SPOCD1: variants seen among roughly 807,000 people sequenced by gnomAD.
The protein encoded by SPOCD1 is SPOC domain-containing protein 1.
SPOCD1 carries 64 observed loss-of-function variants against 92.2 expected under a neutral mutation model. The ratio of observed to expected loss-of-function variants is 0.69; its 90% CI spans 0.57 to 0.86. The LOEUF (loss-of-function observed/expected upper bound fraction) is 0.86, where lower values mean the gene tolerates loss of function less well. SPOCD1 is among the 40% of genes least tolerant of loss of function. SPOCD1 has a pLI of 0.00. For synonymous variants in SPOCD1, 578 were observed against 619.3 expected, an observed-to-expected ratio of 0.93 and a Z score of 0.99; for missense variants, 1,360 against 1,543.1, an observed-to-expected ratio of 0.88 and a Z score of 1.99.
chr1:31,801,684 C>T lies in SPOCD1; in HGVS notation c.1405G>A (p.Gly469Arg), dbSNP rs1244285959. ...PRLEEVKIPHGVKLVCYLGSG... is the reference protein window; with the variant it reads ...PRLEEVKIPHRVKLVCYLGSG... ...CCTACGTAGCACACAAGCTTCACTC[C>T]ATGGGGTATTTTCACTTCCTCCTTG... The change falls in exon 3 of 16, where the codon GGA becomes AGA. Residue 469 changes from glycine to arginine, a missense_variant. By Grantham distance (125) the Gly-to-Arg change is moderately radical. This residue lies in a region of SPOCD1 where 606 missense variants were observed against 601.5 expected (regional missense o/e 1.01). Transcript: ENST00000360482. 1.2e-6 allele frequency: 2 copies of T among 1,613,776 alleles called. No homozygotes were observed. The highest frequency in any genetic ancestry group is 1.7e-6 in the Non-Finnish European group (2 of 1,179,908).
chr1:31,796,828 C>T, intron 9 of SPOCD1, 113 bp from the exon 10 acceptor site: 1 of 1,488,062 alleles, frequency 6.7e-7, no homozygotes, highest in Non-Finnish European at 9.2e-7. Flanking sequence ...CCCCTCTCCT[C>T]AAAACTTTTA....
At position 31,814,318 on chromosome 1, in the gene SPOCD1, T is replaced by C. The variant is rs759189345; in HGVS notation, c.1016A>G (p.Glu339Gly). Reference protein sequence around the residue: ...CLGASAQASAEQQEAVCVVRT... With the variant: ...CLGASAQASAGQQEAVCVVRT... ...CACGACACACACAGCTTCTTGCTGCTCTGCAGAGGCCTGTGCTGACGCCCC... is the reference window on the plus strand; with the variant it reads ...CACGACACACACAGCTTCTTGCTGCCCTGCAGAGGCCTGTGCTGACGCCCC... The change falls in exon 2 of 16, where the codon GAG (glutamate) becomes GGG (glycine). Residue 339 changes from glutamate (E) to glycine (G), a missense_variant. Around this residue, in one of 3 missense-constraint regions of SPOCD1, gnomAD observed 606 missense variants for 601.5 expected, o/e 1.01. Coordinates refer to ENST00000360482, the MANE Select transcript of SPOCD1 (RefSeq NM_144569.7). The surrounding 1 kb of genome is among the most constrained non-coding windows in gnomAD (Gnocchi z 4.2). 6.3e-7 allele frequency: 1 copy of C among 1,575,024 alleles called. No homozygotes were observed. Among genetic ancestry groups the C allele is most frequent in the East Asian group, 2.3e-5 (1 of 44,166 alleles).
chr1:31,805,838 G>A (rs2149112450), intron 2 of SPOCD1, among the ~76,000 whole-genome samples: 1 of 152,036 alleles, frequency 6.6e-6, no homozygotes, highest in East Asian at 1.9e-4. Flanking sequence ...GACCTTTAAG[G>A]AAAGAAAATA....
In SPOCD1 at chr1:31,792,453, C is replaced by T. The variant is rs560817828; in HGVS notation, c.2776-52G>A. On this transcript the variant is annotated intron_variant, in intron 14 of 15. Coordinates refer to ENST00000360482, the MANE Select transcript of SPOCD1 (RefSeq NM_144569.7). Reference sequence around the variant, plus strand: ...TAAGCGCAGTCATCCTCTGCTCCTGCCAACACCCCTGGGCTCCCTGAAACC... The same window carrying T: ...TAAGCGCAGTCATCCTCTGCTCCTGTCAACACCCCTGGGCTCCCTGAAACC... The T allele has an allele frequency of 1.1e-5, 18 of 1,575,838 alleles. No homozygotes were observed. In the African/African-American group the frequency reaches 2.2e-4, roughly 19 times the overall value.
intron 10 of SPOCD1, 30 bp downstream of exon 10, chr1:31,796,560 G>C: frequency 6.2e-7 from 1 of 1,614,218 alleles, no homozygotes; most frequent in Non-Finnish European, 8.5e-7. Context: ...CATGGGCTCT[G>C]CCCAGCACCA....
At position 31,798,871 on chromosome 1, in the gene SPOCD1, C is replaced by T. The variant is rs531003247; in HGVS notation, c.1869-270G>A. 8 of 573,830 alleles carry T rather than the reference C, an allele frequency of 1.4e-5. No individual in the cohort carries two copies. In the South Asian group the frequency reaches 1.8e-4, roughly 13 times the overall value. The allele number at this position is 573,830 out of a possible 1,614,324, so 35.5% of individuals were successfully genotyped here. On this transcript the variant is annotated intron_variant, in intron 7 of 15. Coordinates refer to ENST00000360482, the MANE Select transcript of SPOCD1 (RefSeq NM_144569.7). The surrounding 1 kb of genome is among the most constrained non-coding windows in gnomAD (Gnocchi z 4.1). ...TTAGTGGCAAAAGCAAGATTTGAAA[C>T]TCGACTGTCTGACTCACCAGCCTGT...
chr1:31,815,649 A>C, intron 1 of SPOCD1: 4 of 272,662 alleles, frequency 1.5e-5, no homozygotes, highest in Non-Finnish European at 2.1e-5. Context: ...GGGACCTAAT[A>C]AGATACCATT....
rs747157558 is a variant in SPOCD1 at position 31,814,854 on chromosome 1, G to T, written c.480C>A (p.Ser160Arg). Residue 160 changes from serine to arginine, a missense_variant, in exon 2 of 16, where the codon AGC becomes AGA. Physicochemically the swap from Ser to Arg is moderately radical, Grantham distance 110. This residue lies in a region of SPOCD1 where 606 missense variants were observed against 601.5 expected (regional missense o/e 1.01). Coordinates refer to ENST00000360482, the MANE Select transcript of SPOCD1 (RefSeq NM_144569.7). The surrounding 1 kb of genome is among the most constrained non-coding windows in gnomAD (Gnocchi z 4.2). ...CTCTGGCCTCCCTGGGCCTGAGGCA[G>T]CTCACCTCCTCCACTCCTGCAAGCC... is the stretch of plus-strand genomic sequence containing the variant. ...RERLAGVEEV[S>R]CLRPREARDG... 1 of 1,613,302 alleles carries T rather than the reference G, an allele frequency of 6.2e-7. No homozygotes were observed. Among genetic ancestry groups the T allele is most frequent in the South Asian group, 1.1e-5 (1 of 91,062 alleles).
At chr1:31,799,040 A>G (rs1363438314) in intron 7 of SPOCD1, among the ~76,000 whole-genome samples, 1 of 151,970 alleles carries the variant, frequency 6.6e-6, no homozygotes, top group Non-Finnish European at 1.5e-5. Flanking sequence ...GCAAAGTCCA[A>G]CCCTCTCTGA....
chr1:31,796,802 C>T, intron 9 of SPOCD1, 87 bp from the exon 10 acceptor site: 1 of 1,581,816 alleles, frequency 6.3e-7, no homozygotes. Context: ...TCCCTTGAGG[C>T]CCCTCTCTTG....
chr1:31,804,969 TTTTC>T (rs1328456612), intron 2 of SPOCD1, among the ~76,000 whole-genome samples: 2 of 121,844 alleles, frequency 1.6e-5, no homozygotes, highest in African/African-American at 3.1e-5. Context: ...CAAATTTCTT[TTTTC>T]TTTCTTTCTT....
chr1:31,811,944 C>T (rs865842214), intron 2 of SPOCD1, among the ~76,000 whole-genome samples: 23 of 152,134 alleles, frequency 1.5e-4, no homozygotes, highest in Admixed American at 6.5e-4. Context: ...GGCTGCAGAC[C>T]CAGGAATCCC....
chr1:31,792,723 G>T lies in SPOCD1; in HGVS notation c.2730C>A (p.Asn910Lys). The T allele has an allele frequency of 6.2e-7, 1 of 1,608,576 alleles. No individual in the cohort carries two copies. Among genetic ancestry groups the T allele is most frequent in the Non-Finnish European group, 8.5e-7 (1 of 1,177,956 alleles). The change falls in exon 14 of 16, where the codon AAC becomes AAA. Residue 910 changes from asparagine to lysine, a missense_variant. Asn to Lys is a moderately conservative substitution (Grantham distance 94). Around this residue, in one of 3 missense-constraint regions of SPOCD1, gnomAD observed 614 missense variants for 757.8 expected, o/e 0.81. Coordinates refer to ENST00000360482, the MANE Select transcript of SPOCD1 (RefSeq NM_144569.7). Reference protein sequence around the residue: ...VIRSAGCIPSNIVWDLLASIC... With the variant: ...VIRSAGCIPSKIVWDLLASIC... ...TGCTGGCCAGAAGGTCCCAGACAAT[G>T]TTGGAGGGGATGCAGCCTGCCGAGC...
intron 15 of SPOCD1, 84 bp from the exon 16 acceptor site, chr1:31,791,375 G>C: frequency 8.7e-7 from 1 of 1,143,056 alleles, no homozygotes; most frequent in Non-Finnish European, 1.2e-6. Flanking sequence ...GTGAGATGGG[G>C]CCCATGAGAT....
intron 2 of SPOCD1, among the ~76,000 whole-genome samples, chr1:31,808,684 T>C (rs941910272): frequency 2.6e-5 from 4 of 151,802 alleles, no homozygotes; most frequent in Admixed American, 2.6e-4. Flanking sequence ...ATACTAACAG[T>C]CTTAGCTAGT....
intron 13 of SPOCD1, 44 bp from the exon 14 acceptor site, chr1:31,792,811 C>A (rs750991983): frequency 6.7e-7 from 1 of 1,486,078 alleles, no homozygotes; most frequent in Non-Finnish European, 9.2e-7. Flanking sequence ...AGCTTCCCAC[C>A]CACTCAGGGT....
rs1410221719 is a variant in SPOCD1, at chr1:31,796,596, A to C, written c.2265T>G (p.Asp755Glu). Reference sequence around the variant, plus strand: ...GGTCAGGCTCCAACTTAACCACCAGATCCTCCAGGGTCAGTGTCTGGTCCA... The same window carrying C: ...GGTCAGGCTCCAACTTAACCACCAGCTCCTCCAGGGTCAGTGTCTGGTCCA... Reference protein sequence around the residue: ...RDMDQTLTLEDLVGPQMFMDC... With the variant: ...RDMDQTLTLEELVGPQMFMDC... The change falls in exon 10 of 16, where the codon GAT (aspartate) becomes GAG (glutamate). Residue 755 changes from aspartate (D) to glutamate (E), a missense_variant. Around this residue, in one of 3 missense-constraint regions of SPOCD1, gnomAD observed 614 missense variants for 757.8 expected, o/e 0.81. Transcript: ENST00000360482. 2 of 1,614,190 alleles carry C rather than the reference A, an allele frequency of 1.2e-6. No individual in the cohort carries two copies. Among genetic ancestry groups the C allele is most frequent in the South Asian group, 2.2e-5 (2 of 91,078 alleles).
Position 31,793,343 on chromosome 1 carries a change from A to G in SPOCD1, c.2620T>C (p.Phe874Leu), listed in dbSNP as rs780988605. Residue 874 changes from phenylalanine (F) to leucine (L), a missense_variant, in exon 13 of 16, where the codon TTC (phenylalanine) becomes CTC (leucine). Physicochemically the swap from Phe to Leu is conservative, Grantham distance 22 (BLOSUM62 0). Transcript: ENST00000360482. ...LPPWEGVLDM[F>L]SIKRFRARAQ... ...CTGGCCCGGAACCGCTTGATGGAGA[A>G]CATGTCCAGAACACCTTCCCAGGGT... The G allele has an allele frequency of 3.1e-6, 5 of 1,591,700 alleles. No individual in the cohort carries two copies. The highest frequency in any genetic ancestry group is 4.3e-6 in the Non-Finnish European group (5 of 1,169,072).
At position 31,791,311 on chromosome 1, in the gene SPOCD1, T is replaced by C. The variant is rs367818610; in HGVS notation, c.2963-20A>G. 4.4e-5 allele frequency: 66 copies of C among 1,484,248 alleles called. No homozygotes were observed. Among genetic ancestry groups the C allele is most frequent in the Non-Finnish European group, 5.6e-5 (63 of 1,115,914 alleles). 91.9% of individuals were successfully genotyped at this position (1,484,248 alleles called of 1,614,324 possible). On this transcript the variant is annotated intron_variant, in intron 15 of 15. Coordinates refer to ENST00000360482, the MANE Select transcript of SPOCD1 (RefSeq NM_144569.7). ...AAAGGCCTGCGGGGAAGAACTGTGT[T>C]CAGCTTAGCTGCAGCAGATCTGGAG... is the stretch of plus-strand genomic sequence containing the variant.
Sources: allele counts gnomAD v4.1 joint callset (sites outside exome capture counted in the v4.1 genomes callset), GRCh38; gene constraint gnomAD v4.1.1; regional missense constraint gnomAD v4.1.1; non-coding constraint Gnocchi (gnomAD v3.1); transcripts MANE v1.5; gene names NCBI Gene and HGNC (gene_info 2026-07-23, HGNC 2026-07-21).